Variants in TLE3 observed in about 807,000 individuals in gnomAD.
TLE3 encodes the protein TLE family member 3, transcriptional corepressor, also known as transducin-like enhancer protein 3.
Under a neutral mutation model 93.0 loss-of-function variants are expected in TLE3, and 14 were observed. The ratio of observed to expected loss-of-function variants is 0.15; its 90% CI spans 0.10 to 0.24. The LOEUF (loss-of-function observed/expected upper bound fraction) is 0.24. TLE3 is among the 10% of genes least tolerant of loss of function. The pLI is 1.00. For synonymous variants in TLE3, 451 were observed against 425.0 expected (o/e 1.06, Z -0.75); for missense variants, 693 against 1,046.6 (o/e 0.66, Z 4.66).
In TLE3 at chr15:70,058,306, T is replaced by C; in HGVS notation, c.919-15A>G. 2 of 1,592,100 alleles carry C rather than the reference T, an allele frequency of 1.3e-6. No homozygotes were observed. The highest frequency in any genetic ancestry group is 1.7e-6 in the Non-Finnish European group (2 of 1,168,342). ...GATTTGTCGTTCTGAAGAGGGGAGATGCAGAACAAGGGAGGCCATGAGGCT... is the reference window on the plus strand; with the variant it reads ...GATTTGTCGTTCTGAAGAGGGGAGACGCAGAACAAGGGAGGCCATGAGGCT... On this transcript the variant is annotated splice_polypyrimidine_tract_variant and intron_variant, in intron 11 of 19. Transcript: ENST00000451782. The surrounding 1 kb of genome is among the most constrained non-coding windows in gnomAD (Gnocchi z 4.1).
intron 6 of TLE3, among the ~76,000 whole-genome samples, chr15:70,069,034 TAGCA>T (rs1317904056): frequency 6.6e-6 from 1 of 152,230 alleles, no homozygotes; most frequent in Non-Finnish European, 1.5e-5. Flanking sequence ...TGCTCAATCT[TAGCA>T]AACAGACAGA....
chr15:70,056,187 G>T, intron 14 of TLE3, 111 bp downstream of exon 14: 1 of 1,194,160 alleles, frequency 8.4e-7, no homozygotes, highest in Non-Finnish European at 1.2e-6. Context: ...AAAGGGAGGT[G>T]CACCAGGGCA....
At chr15:70,078,563 T>C (rs2057572848) in intron 4 of TLE3, among the ~76,000 whole-genome samples, 1 of 152,236 alleles carries the variant, frequency 6.6e-6, no homozygotes, top group African/African-American at 2.4e-5. Flanking sequence ...TGAGACTTCA[T>C]ATTGCAGTGA....
At position 70,055,094 on chromosome 15, in the gene TLE3, G is replaced by A; in HGVS notation, c.1533C>T (p.Ile511=). The change falls in exon 15 of 20, where the codon ATC becomes ATT. Residue 511 remains isoleucine, a synonymous_variant. Transcript: ENST00000451782. ...GGKGCVKIWD[I]SQPGSKSPIS... Reference sequence around the variant, plus strand: ...TGGGGCTCTTGCTGCCTGGCTGGCTGATGTCCCAGATCTTCACGCAGCCCT... The same window carrying A: ...TGGGGCTCTTGCTGCCTGGCTGGCTAATGTCCCAGATCTTCACGCAGCCCT... The A allele has an allele frequency of 6.2e-7, 1 of 1,614,062 alleles. No individual in the cohort carries two copies. Among genetic ancestry groups the A allele is most frequent in the Non-Finnish European group, 8.5e-7 (1 of 1,179,946 alleles).
chr15:70,064,616 T>C (rs1177164132), intron 7 of TLE3, 146 bp from the exon 8 acceptor site: 3 of 1,164,284 alleles, frequency 2.6e-6, no homozygotes, highest in East Asian at 2.6e-5. Flanking sequence ...AAGGCCTGGA[T>C]TGCTGTCTCC....
chr15:70,079,687 A>G (rs913960428), intron 4 of TLE3, among the ~76,000 whole-genome samples: 2 of 151,798 alleles, frequency 1.3e-5, no homozygotes, highest in African/African-American at 4.8e-5. Context: ...TATTTTTTGG[A>G]GGGTGGCGCT....
intron 13 of TLE3, among the ~76,000 whole-genome samples, chr15:70,057,163 C>A (rs1339195100): frequency 2.0e-5 from 3 of 152,220 alleles, no homozygotes; most frequent in Non-Finnish European, 4.4e-5. Flanking sequence ...TTCCTACCCC[C>A]CAGAGCTGGG....
chr15:70,073,528 T>C (rs528172372), intron 6 of TLE3, among the ~76,000 whole-genome samples: 1 of 152,296 alleles, frequency 6.6e-6, no homozygotes, highest in East Asian at 1.9e-4. Flanking sequence ...CTAACTACAC[T>C]TCAGAATGAT....
intron 17 of TLE3, 117 bp from the exon 18 acceptor site, chr15:70,052,641 C>T: frequency 8.3e-7 from 1 of 1,211,164 alleles, no homozygotes; most frequent in Non-Finnish European, 1.1e-6. Context: ...CCCCACCCAC[C>T]CAATAACCCA....
chr15:70,087,671 A>G (rs2058093747), intron 4 of TLE3, among the ~76,000 whole-genome samples: 1 of 152,224 alleles, frequency 6.6e-6, no homozygotes, highest in African/African-American at 2.4e-5. Flanking sequence ...ACAGGACAAC[A>G]TAGACTTCAG....
chr15:70,075,346 G>T (rs1338747672), intron 5 of TLE3, among the ~76,000 whole-genome samples: 1 of 152,268 alleles, frequency 6.6e-6, no homozygotes, highest in Non-Finnish European at 1.5e-5. Context: ...AAAAGTGGTT[G>T]CATTAATTCC....
At chr15:70,073,144 G>C (rs2057271126) in intron 6 of TLE3, among the ~76,000 whole-genome samples, 1 of 152,228 alleles carries the variant, frequency 6.6e-6, no homozygotes, top group Non-Finnish European at 1.5e-5. Flanking sequence ...CTGACAGTGT[G>C]ATGGAAGGGC....
rs1165847269 is a variant in TLE3, at chr15:70,058,715, G to A, written c.866C>T (p.Ser289Leu). Residue 289 changes from serine to leucine, a missense_variant, in exon 11 of 20, where the codon TCG becomes TTG. Around this residue, in one of 4 missense-constraint regions of TLE3, gnomAD observed 405 missense variants for 468.9 expected, o/e 0.86. Coordinates refer to ENST00000451782, the MANE Select transcript of TLE3 (RefSeq NM_001105192.3). The surrounding 1 kb of genome is among the most constrained non-coding windows in gnomAD (Gnocchi z 4.1). ...AGGTGTGCTACTGGAAGAGGCCACC[G>A]AGGCAGGGCTGGTGGGGGCATCTTT... ...LKKDAPTSPA[S>L]VASSSSTPSS... The A allele has an allele frequency of 5.6e-6, 9 of 1,609,442 alleles. No homozygotes were observed. Among genetic ancestry groups the A allele is most frequent in the Non-Finnish European group, 5.9e-6 (7 of 1,178,088 alleles).
intron 6 of TLE3, among the ~76,000 whole-genome samples, chr15:70,070,505 C>T (rs1229762461): frequency 6.6e-6 from 1 of 152,188 alleles, no homozygotes; most frequent in Admixed American, 6.5e-5. Context: ...CACTTCCTGC[C>T]CTCCAAGGAC....
At chr15:70,062,487 G>A (rs986065546) in intron 8 of TLE3, among the ~76,000 whole-genome samples, 26 of 152,314 alleles carry the variant, frequency 1.7e-4, no homozygotes, top group African/African-American at 2.9e-4. Flanking sequence ...GAAAACCCTC[G>A]CCGCTACCGG....
At chr15:70,093,127 C>T (rs1041673393) in intron 4 of TLE3, among the ~76,000 whole-genome samples, 3 of 152,152 alleles carry the variant, frequency 2.0e-5, no homozygotes, top group African/African-American at 4.8e-5. Flanking sequence ...AATATCTTTA[C>T]GTATAAAGCC....
Position 70,052,410 on chromosome 15 carries a change from C to T in TLE3, c.2089G>A (p.Glu697Lys). 2 of 1,613,996 alleles carry T rather than the reference C, an allele frequency of 1.2e-6. No homozygotes were observed. Among genetic ancestry groups the T allele is most frequent in the Non-Finnish European group, 1.7e-6 (2 of 1,179,920 alleles). ...KPDKYQLHLHESCVLSLKFAY... is the reference protein window; with the variant it reads ...KPDKYQLHLHKSCVLSLKFAY... ...AACTTGAGGGAGAGCACGCAGCTCT[C>T]GTGCAGGTGCAGCTGGTACTTGTCA... Residue 697 changes from glutamate to lysine, a missense_variant, in exon 18 of 20, where the codon GAG (glutamate) becomes AAG (lysine). By Grantham distance (56) the Glu-to-Lys change is moderately conservative. Around this residue, in one of 4 missense-constraint regions of TLE3, gnomAD observed 153 missense variants for 379.9 expected, o/e 0.40. Transcript: ENST00000451782.
Position 70,058,735 on chromosome 15 carries a change from A to T in TLE3, c.846T>A (p.Asp282Glu), listed in dbSNP as rs1250008740. The change falls in exon 11 of 20, where the codon GAT becomes GAA. Residue 282 changes from aspartate to glutamate, a missense_variant. Around this residue, in one of 4 missense-constraint regions of TLE3, gnomAD observed 405 missense variants for 468.9 expected, o/e 0.86. Coordinates refer to ENST00000451782, the MANE Select transcript of TLE3 (RefSeq NM_001105192.3). The surrounding 1 kb of genome is among the most constrained non-coding windows in gnomAD (Gnocchi z 4.1). The stretch of plus-strand genomic sequence containing the variant: ...CCACCGAGGCAGGGCTGGTGGGGGC[A>T]TCTTTTTTCAGGCTACGGGCCTTGT... ...GLDKARSLKK[D>E]APTSPASVAS... The T allele has an allele frequency of 6.2e-7, 1 of 1,610,804 alleles. No homozygotes were observed. The highest frequency in any genetic ancestry group is 2.2e-5 in the East Asian group (1 of 44,772).
At chr15:70,086,721 G>A (rs147814071) in intron 4 of TLE3, among the ~76,000 whole-genome samples, 1 of 152,324 alleles carries the variant, frequency 6.6e-6, no homozygotes, top group African/African-American at 2.4e-5. Flanking sequence ...AAAGGCTCAT[G>A]AGATAAGGCC....
Sources: allele counts gnomAD v4.1 joint callset (sites outside exome capture counted in the v4.1 genomes callset), GRCh38; gene constraint gnomAD v4.1.1; regional missense constraint gnomAD v4.1.1; non-coding constraint Gnocchi (gnomAD v3.1); transcripts MANE v1.5; gene names NCBI Gene and HGNC (gene_info 2026-07-23, HGNC 2026-07-21).